Variants in MBD6 observed in about 807,000 individuals in gnomAD.
MBD6 encodes methyl-CpG binding domain protein 6, also known as methyl-CpG-binding domain protein 6.
In MBD6, 22 loss-of-function variants were observed where a neutral mutation model predicts 66.8. That is an observed-to-expected ratio of 0.33 (90% CI 0.24 to 0.47). The LOEUF (loss-of-function observed/expected upper bound fraction) is 0.47. MBD6 is among the 20% of genes least tolerant of loss of function. The pLI is 1.00. For missense variants in MBD6, 1,322 were observed against 1,286.9 expected (o/e 1.03, Z -0.42); for synonymous variants, 540 against 534.6 (o/e 1.01, Z -0.14).
chr12:57,527,635 C>T lies in MBD6; in HGVS notation c.2211C>T (p.Ser737=), dbSNP rs1879106899. The stretch of plus-strand genomic sequence containing the variant: ...CAGGGAGACCCCCCCAACTCCTTAG[C>T]CCTCTGCTGGGTGCCAGCCTGCTGG... ...SNSGRPPQLL[S]PLLGASLLGD... is the part of the protein sequence containing the mutation. Residue 737 remains serine, a synonymous_variant, in exon 8 of 13, where the codon AGC becomes AGT. Coordinates refer to ENST00000355673, the MANE Select transcript of MBD6 (RefSeq NM_052897.4). 1.9e-6 allele frequency: 3 copies of T among 1,606,382 alleles called. No individual in the cohort carries two copies. The highest frequency in any genetic ancestry group is 2.2e-5 in the East Asian group (1 of 44,806).
intron 11 of MBD6, 99 bp downstream of exon 11, chr12:57,528,817 A>G (rs1190533207): frequency 2.3e-5 from 36 of 1,597,482 alleles, no homozygotes; most frequent in Non-Finnish European, 2.5e-5. Context: ...AAAAGGGCAG[A>G]TTCTTATTTG....
chr12:57,530,700 GCTT>G, downstream of MBD6: 2 of 1,613,798 alleles, frequency 1.2e-6, no homozygotes, highest in Non-Finnish European at 1.7e-6. Flanking sequence ...CACTTTCCCA[GCTT>G]CTTCATCCGT....
rs2016784228 is a variant in MBD6 at position 57,525,558 on chromosome 12, G to A, written c.590G>A (p.Gly197Asp). Residue 197 changes from glycine (G) to aspartate (D), a missense_variant, in exon 6 of 13, where the codon GGC (glycine) becomes GAC (aspartate). Coordinates refer to ENST00000355673, the MANE Select transcript of MBD6 (RefSeq NM_052897.4). ...CTTGCTGACCCAGTCCCTTCTGGGG[G>A]CAGTAGCAGCCCCCGTTTCCTCCCA... ...PRLADPVPSG[G>D]SSSPRFLPRG... The A allele has an allele frequency of 6.2e-7, 1 of 1,608,054 alleles. No homozygotes were observed. Among genetic ancestry groups the A allele is most frequent in the Non-Finnish European group, 8.5e-7 (1 of 1,176,882 alleles).
At position 57,525,335 on chromosome 12, in the gene MBD6, T is replaced by C. The variant is rs1202974824; in HGVS notation, c.380-13T>C. ...GAGCCACAGGCTGACCCTTCATTTT[T>C]CATTTATTGCAGGAGAGGGAGCGAG... On this transcript the variant is annotated splice_polypyrimidine_tract_variant and intron_variant, in intron 5 of 12. Transcript: ENST00000355673. 14 of 1,561,606 alleles carry C rather than the reference T, an allele frequency of 9.0e-6. No individual in the cohort carries two copies. Among genetic ancestry groups the C allele is most frequent in the Non-Finnish European group, 1.2e-5 (14 of 1,160,332 alleles).
At chr12:57,528,609 T>C (rs758468269) in intron 10 of MBD6, 49 bp downstream of exon 10, 13 of 1,613,150 alleles carry the variant, frequency 8.1e-6, no homozygotes, top group Middle Eastern at 1.6e-4. Context: ...TGAGGAAAGG[T>C]TGGGGCTTTG....
At position 57,527,538 on chromosome 12, in the gene MBD6, C is replaced by A. The variant is rs772233392; in HGVS notation, c.2114C>A (p.Pro705Gln). 6 of 1,614,128 alleles carry A rather than the reference C, an allele frequency of 3.7e-6. No homozygotes were observed. In the Admixed American group the frequency reaches 5.0e-5, roughly 13 times the overall value. Residue 705 changes from proline (P) to glutamine (Q), a missense_variant, in exon 8 of 13, where the codon CCA (proline) becomes CAA (glutamine). Coordinates refer to ENST00000355673, the MANE Select transcript of MBD6 (RefSeq NM_052897.4). The part of the protein sequence containing the change: ...PCVLSAPQPG[P>Q]PTSSVTTATT... The stretch of plus-strand genomic sequence containing the variant: ...GTCCTGAGTGCCCCCCAACCTGGAC[C>A]ACCTACCTCCAGTGTCACCACGGCA...
At position 57,529,187 on chromosome 12, in the gene MBD6, C is replaced by A; in HGVS notation, c.2965C>A (p.Arg989Ser). ...AGCTGTCCCTCTGCCTCCCCGGGCCCGCCCTGGCCGTCCTGCCAAAAACAA... is the reference window on the plus strand; with the variant it reads ...AGCTGTCCCTCTGCCTCCCCGGGCCAGCCCTGGCCGTCCTGCCAAAAACAA... ...RAAVPLPPRA[R>S]PGRPAKNKRR... Residue 989 changes from arginine to serine, a missense_variant, in exon 13 of 13, where the codon CGC becomes AGC. Arg to Ser is a moderately radical substitution (Grantham distance 110). Coordinates refer to ENST00000355673, the MANE Select transcript of MBD6 (RefSeq NM_052897.4). The A allele has an allele frequency of 6.2e-7, 1 of 1,614,088 alleles. No homozygotes were observed. Among genetic ancestry groups the A allele is most frequent in the Non-Finnish European group, 8.5e-7 (1 of 1,179,994 alleles).
At position 57,527,501 on chromosome 12, in the gene MBD6, T is replaced by C. The variant is rs181648647; in HGVS notation, c.2083-6T>C. ...CGTAAGTGTTAGAATCATTCTTTTT[T>C]CTTAGCCCTGTGTCCTGAGTGCCCC... On this transcript the variant is annotated splice_polypyrimidine_tract_variant and splice_region_variant and intron_variant, in intron 7 of 12. Transcript: ENST00000355673. 2.0e-4 allele frequency: 328 copies of C among 1,614,014 alleles called. 1 individual carries two copies. In the African/African-American group the frequency reaches 4.1e-3, roughly 20 times the overall value.
At chr12:57,525,141 G>A in intron 5 of MBD6, 26 bp downstream of exon 5, 1 of 1,594,680 alleles carries the variant, frequency 6.3e-7, no homozygotes, top group South Asian at 1.1e-5. Context: ...CTTTACAGAA[G>A]ACCGAGGAAA....
chr12:57,528,863 A>G, intron 11 of MBD6, 83 bp from the exon 12 acceptor site: 1 of 1,608,754 alleles, frequency 6.2e-7, no homozygotes, highest in Non-Finnish European at 8.5e-7. Context: ...TACTATCCAA[A>G]TGTAGAAAGT....
At position 57,526,580 on chromosome 12, in the gene MBD6, C is replaced by T; in HGVS notation, c.1435C>T (p.Pro479Ser). The change falls in exon 7 of 13, where the codon CCA becomes TCA. Residue 479 changes from proline (P) to serine (S), a missense_variant. Transcript: ENST00000355673. ...LSSVPGAPAP[P>S]AASKAPVVPS... ...CTCTTTTACAGGTGCCCCTGCCCCACCAGCTGCCTCCAAAGCCCCAGTAGT... is the reference window on the plus strand; with the variant it reads ...CTCTTTTACAGGTGCCCCTGCCCCATCAGCTGCCTCCAAAGCCCCAGTAGT... The T allele has an allele frequency of 2.0e-6, 3 of 1,511,698 alleles. No homozygotes were observed. Among genetic ancestry groups the T allele is most frequent in the Non-Finnish European group, 2.7e-6 (3 of 1,131,398 alleles). The allele number at this position is 1,511,698 out of a possible 1,614,324, so 93.6% of individuals were successfully genotyped here. A position where few individuals can be genotyped will look rare whatever the true frequency, so the allele number is the denominator to read the frequency against.
intron 3 of MBD6, 43 bp downstream of exon 3, chr12:57,524,459 C>G (rs1432254502): frequency 8.0e-6 from 12 of 1,498,750 alleles, no homozygotes; most frequent in Non-Finnish European, 1.1e-5. Context: ...ACTCCAGTTG[C>G]CCAGGTTTTC....
chr12:57,527,522 G>GC lies in MBD6; in HGVS notation c.2104dup (p.Gln702ProfsTer15), dbSNP rs756309560. ...TTTTTCTTAGCCCTGTGTCCTGAGT[G>GC]CCCCCCAACCTGGACCACCTACCTC... On this transcript the variant is annotated frameshift_variant, in exon 8 of 13. Transcript: ENST00000355673. LOFTEE classifies it high-confidence loss of function. 6.2e-7 allele frequency: 1 copy of GC among 1,614,042 alleles called. No homozygotes were observed.
chr12:57,530,487 C>G (rs1005750237), downstream of MBD6: 2 of 513,540 alleles, frequency 3.9e-6, no homozygotes, highest in Non-Finnish European at 7.0e-6. Context: ...GGGAGACCAC[C>G]TTCTGATGAT....
chr12:57,526,004 C>T lies in MBD6; in HGVS notation c.1036C>T (p.Pro346Ser), dbSNP rs1878905557. 3 of 1,613,702 alleles carry T rather than the reference C, an allele frequency of 1.9e-6. No individual in the cohort carries two copies. The highest frequency in any genetic ancestry group is 2.7e-5 in the African/African-American group (2 of 74,848). Residue 346 changes from proline (P) to serine (S), a missense_variant, in exon 6 of 13, where the codon CCC becomes TCC. Transcript: ENST00000355673. ...PPPSTLQGRR[P>S]RAQAPSASHS... ...TCCCAGCACTTTACAGGGCCGAAGG[C>T]CCCGTGCCCAGGCACCCTCAGCTTC...
chr12:57,530,608 G>A (rs1879582791), downstream of MBD6: 1 of 1,259,444 alleles, frequency 7.9e-7, no homozygotes. Context: ...TAGAGTTATA[G>A]TAAAGGGGAA....
At position 57,525,802 on chromosome 12, in the gene MBD6, C is replaced by T. The variant is rs757376650; in HGVS notation, c.834C>T (p.Leu278=). 2.3e-6 allele frequency: 3 copies of T among 1,317,124 alleles called. No individual in the cohort carries two copies. Among genetic ancestry groups the T allele is most frequent in the Non-Finnish European group, 2.1e-6 (2 of 970,170 alleles). The allele number at this position is 1,317,124 out of a possible 1,614,324, so 81.6% of individuals were successfully genotyped here. A position where few individuals can be genotyped will look rare whatever the true frequency, so the allele number is the denominator to read the frequency against. ...TPPPLPPSNN[L]PAHPGPASQP... Reference sequence around the variant, plus strand: ...CTCCCCTGCCCCCGAGCAATAATCTCCCCGCCCACCCTGGTCCTGCCTCTC... The same window carrying T: ...CTCCCCTGCCCCCGAGCAATAATCTTCCCGCCCACCCTGGTCCTGCCTCTC... The change falls in exon 6 of 13, where the codon CTC becomes CTT. Residue 278 remains leucine (L), a synonymous_variant. Coordinates refer to ENST00000355673, the MANE Select transcript of MBD6 (RefSeq NM_052897.4).
chr12:57,525,173 G>C, intron 5 of MBD6, 58 bp downstream of exon 5: 1 of 1,570,264 alleles, frequency 6.4e-7, no homozygotes, highest in Non-Finnish European at 8.6e-7. Flanking sequence ...TGGAAGGCTG[G>C]TGGTGGGAGG....
downstream of MBD6, among the ~76,000 whole-genome samples, chr12:57,531,511 T>C (rs968337162): frequency 9.2e-5 from 14 of 152,124 alleles, no homozygotes; most frequent in African/African-American, 3.1e-4. Flanking sequence ...AGCGAGACTC[T>C]GTCTTAAAAA....
Sources: allele counts gnomAD v4.1 joint callset (sites outside exome capture counted in the v4.1 genomes callset), GRCh38; gene constraint gnomAD v4.1.1; transcripts MANE v1.5; gene names NCBI Gene and HGNC (gene_info 2026-07-23, HGNC 2026-07-21).